Variants in SUMF1 observed in about 807,000 individuals in gnomAD.
SUMF1 encodes formylglycine-generating enzyme.
Under a neutral mutation model 47.6 loss-of-function variants are expected in SUMF1, and 48 were observed. The observed-to-expected ratio is 1.01, with a 90% CI of 0.80 to 1.28. SUMF1 has a LOEUF of 1.28. Ranked by LOEUF, SUMF1 falls within the 50% of genes most tolerant of loss-of-function variation. SUMF1 has a pLI of 0.00. For synonymous variants in SUMF1, 230 were observed against 192.1 expected, an observed-to-expected ratio of 1.20 and a Z score of -1.63; for missense variants, 571 against 485.4, an observed-to-expected ratio of 1.18 and a Z score of -1.66.
At chr3:4,044,865 C>T (rs1202492332) in intron 9 of SUMF1, among the ~76,000 whole-genome samples, 5 of 152,126 alleles carry the variant, frequency 3.3e-5, no homozygotes, top group African/African-American at 1.2e-4. Context: ...TAAGTCAATC[C>T]AGACATTTTC....
intron 8 of SUMF1, chr3:4,317,047 T>C (rs1325591980): frequency 2.6e-6 from 4 of 1,549,338 alleles, no homozygotes; most frequent in African/African-American, 1.4e-5. Flanking sequence ...TCACCTGACC[T>C]CTTGCCAACC....
At chr3:4,146,900 T>C (rs1387555510) in intron 8 of SUMF1, among the ~76,000 whole-genome samples, 1 of 152,114 alleles carries the variant, frequency 6.6e-6, no homozygotes, top group Non-Finnish European at 1.5e-5. Flanking sequence ...TATTCCATGG[T>C]GTATATGTGC....
At chr3:4,248,753 T>C (rs561410300) in intron 8 of SUMF1, among the ~76,000 whole-genome samples, 140 of 152,230 alleles carry the variant, frequency 9.2e-4, no homozygotes, top group African/African-American at 3.2e-3. Flanking sequence ...GGGGTGGCTA[T>C]TGAAGAAAAA....
intron 2 of SUMF1, among the ~76,000 whole-genome samples, chr3:4,450,943 G>A (rs1289090663): frequency 6.6e-6 from 1 of 152,054 alleles, no homozygotes; most frequent in African/African-American, 2.4e-5. Context: ...AGTAAAGCTG[G>A]AGAGATGGGA....
At chr3:4,368,140 G>T (rs1700042215) in intron 8 of SUMF1, among the ~76,000 whole-genome samples, 1 of 151,994 alleles carries the variant, frequency 6.6e-6, no homozygotes, top group Admixed American at 6.6e-5. Flanking sequence ...AAATTTACAA[G>T]AAAAAAACAA....
intron 1 of SUMF1, among the ~76,000 whole-genome samples, chr3:4,463,441 GATTGCAC>G (rs542261272): frequency 6.6e-5 from 10 of 152,348 alleles, no homozygotes; most frequent in Non-Finnish European, 1.5e-4. Context: ...AATGAGCCGA[GATTGCAC>G]CACTGCACTC....
chr3:4,240,713 C>T (rs528994300), intron 8 of SUMF1, among the ~76,000 whole-genome samples: 4 of 151,616 alleles, frequency 2.6e-5, no homozygotes, highest in African/African-American at 4.8e-5. Context: ...TGTTATAAAG[C>T]TCTTTTAAGT....
chr3:4,093,559 C>CA (rs907506890), intron 8 of SUMF1, among the ~76,000 whole-genome samples: 18 of 150,036 alleles, frequency 1.2e-4, no homozygotes, highest in Admixed American at 6.6e-4. Flanking sequence ...AAACACTAAA[C>CA]AAAAAAAAAG....
intron 8 of SUMF1, among the ~76,000 whole-genome samples, chr3:4,176,375 G>A (rs1266567895): frequency 6.6e-6 from 1 of 152,148 alleles, no homozygotes; most frequent in Non-Finnish European, 1.5e-5. Context: ...GAGAGTGGGG[G>A]CCAATATTCA....
intron 7 of SUMF1, among the ~76,000 whole-genome samples, chr3:4,394,528 T>C (rs1700979045): frequency 6.6e-6 from 1 of 152,172 alleles, no homozygotes; most frequent in East Asian, 1.9e-4. Flanking sequence ...TCAAAGGTGT[T>C]AGATTAAACT....
intron 7 of SUMF1, among the ~76,000 whole-genome samples, chr3:4,379,743 G>A (rs1700441108): frequency 6.6e-6 from 1 of 151,162 alleles, no homozygotes; most frequent in East Asian, 2.0e-4. Context: ...TTGGGAGGCT[G>A]AGGCAGGAGA....
intron 8 of SUMF1, among the ~76,000 whole-genome samples, chr3:4,081,802 G>A (rs1287494426): frequency 1.3e-5 from 2 of 152,102 alleles, no homozygotes; most frequent in Admixed American, 6.5e-5. Flanking sequence ...AGCCACAAAA[G>A]TATTTTGTAG....
intron 7 of SUMF1, among the ~76,000 whole-genome samples, chr3:4,409,012 T>A (rs1196543346): frequency 6.6e-6 from 1 of 152,084 alleles, no homozygotes; most frequent in East Asian, 1.9e-4. Context: ...TTAAAAAATA[T>A]TTTACACTTT....
intron 8 of SUMF1, among the ~76,000 whole-genome samples, chr3:4,213,467 T>TA (rs1695844702): frequency 2.0e-5 from 3 of 151,948 alleles, no homozygotes; most frequent in Admixed American, 1.3e-4. Context: ...CAAACCAAAA[T>TA]ATAAAGACCA....
intron 8 of SUMF1, among the ~76,000 whole-genome samples, chr3:4,236,919 CT>C (rs1553611856): frequency 1.3e-5 from 2 of 151,958 alleles, no homozygotes; most frequent in Non-Finnish European, 2.9e-5. Flanking sequence ...CCACTGACCC[CT>C]GTCAGTCACT....
At chr3:4,229,111 T>G (rs1478836767) in intron 8 of SUMF1, among the ~76,000 whole-genome samples, 1 of 152,006 alleles carries the variant, frequency 6.6e-6, no homozygotes, top group Non-Finnish European at 1.5e-5. Flanking sequence ...AAACTCCAAG[T>G]GAAATAAAAC....
chr3:4,255,029 A>G (rs916620012), intron 8 of SUMF1, among the ~76,000 whole-genome samples: 7 of 151,284 alleles, frequency 4.6e-5, no homozygotes, highest in African/African-American at 1.7e-4. Context: ...TCATAAGTGA[A>G]GGAGAAATAA....
intron 8 of SUMF1, among the ~76,000 whole-genome samples, chr3:4,334,916 T>C (rs905796683): frequency 4.6e-5 from 7 of 152,250 alleles, no homozygotes; most frequent in Non-Finnish European, 7.3e-5. Flanking sequence ...TTTATCTTTT[T>C]CATTAATTGC....
At chr3:4,297,953 G>A (rs980092121) in intron 8 of SUMF1, among the ~76,000 whole-genome samples, 1 of 152,132 alleles carries the variant, frequency 6.6e-6, no homozygotes, top group Non-Finnish European at 1.5e-5. Flanking sequence ...GTTAATAAAT[G>A]TAAAGCTCAA....
Sources: gnomAD v4.1 joint callset for allele counts (sites outside exome capture counted in the v4.1 genomes callset) on GRCh38, gnomAD v4.1.1 for gene constraint, MANE v1.5 for transcripts, NCBI Gene and HGNC (gene_info 2026-07-23, HGNC 2026-07-21) for gene names.